MICAL3: variants seen among roughly 807,000 people sequenced by gnomAD.
MICAL3 encodes microtubule associated monooxygenase, calponin and LIM domain containing 3.
A neutral mutation model predicts 207.4 loss-of-function variants in MICAL3; 62 were observed. The observed-to-expected ratio is 0.30, with a 90% confidence interval of 0.24 to 0.37. The LOEUF (loss-of-function observed/expected upper bound fraction) is 0.37, where lower values mean the gene tolerates loss of function less well. Among genes scored for constraint, MICAL3 ranks in the 10% least tolerant of loss-of-function variants. The pLI is 1.00. For synonymous variants in MICAL3, 1,077 were observed against 1,069.3 expected, an observed-to-expected ratio of 1.01 and a Z score of -0.14; for missense variants, 2,368 against 2,635.6, an observed-to-expected ratio of 0.90 and a Z score of 2.22.
chr22:17,899,472 C>A lies in MICAL3; in HGVS notation c.924G>T (p.Leu308Phe). ...CATGTAGTATCACTCCTTTGTCCAG[C>A]AAACTCTGCTTTTTGGCTGTCATAA... ...YFVMTAKKQS[L>F]LDKGVILHDY... Residue 308 changes from leucine to phenylalanine, a missense_variant, in exon 7 of 32, where the codon TTG (leucine) becomes TTT (phenylalanine). Leu to Phe is a conservative substitution (Grantham distance 22). Around this residue, in one of 4 missense-constraint regions of MICAL3, gnomAD observed 400 missense variants for 547.0 expected, o/e 0.73. Coordinates refer to ENST00000441493, the MANE Select transcript of MICAL3 (RefSeq NM_015241.3). The A allele has an allele frequency of 6.2e-7, 1 of 1,609,258 alleles. No homozygotes were observed.
intron 18 of MICAL3, 50 bp from the exon 19 acceptor site, chr22:17,865,036 A>T (rs1445401054): frequency 1.9e-6 from 3 of 1,545,528 alleles, no homozygotes; most frequent in Non-Finnish European, 2.6e-6. Context: ...GATGCACTCA[A>T]ATCCTCAAAT....
intron 1 of MICAL3, among the ~76,000 whole-genome samples, chr22:17,981,997 T>C (rs1935928756): frequency 6.6e-6 from 1 of 151,890 alleles, no homozygotes; most frequent in Non-Finnish European, 1.5e-5. Flanking sequence ...CCCAGCTACT[T>C]AGGAGGCTGA....
chr22:17,876,862 TTA>T (rs1398710967), intron 16 of MICAL3: 1 of 134,744 alleles, frequency 7.4e-6, no homozygotes. Context: ...GTTATGGAGG[TTA>T]GGGAGGTTAG....
At chr22:17,911,032 G>A (rs949527092) in intron 1 of MICAL3, among the ~76,000 whole-genome samples, 30 of 152,020 alleles carry the variant, frequency 2.0e-4, no homozygotes, top group Admixed American at 3.3e-4. Flanking sequence ...GGGGGAGGAA[G>A]AGGAGGTGAT....
At chr22:17,805,003 C>A (rs2061975995) in intron 29 of MICAL3, among the ~76,000 whole-genome samples, 1 of 152,190 alleles carries the variant, frequency 6.6e-6, no homozygotes, top group Non-Finnish European at 1.5e-5. Context: ...GTCGTCATAC[C>A]TTAGACAAAC....
chr22:17,957,760 G>A (rs1189988913), intron 1 of MICAL3, among the ~76,000 whole-genome samples: 1 of 150,176 alleles, frequency 6.7e-6, no homozygotes, highest in Non-Finnish European at 1.5e-5. Flanking sequence ...GAGAGAGAGA[G>A]AGAATGAAAG....
chr22:17,928,140 T>C (rs1933009309), intron 1 of MICAL3, among the ~76,000 whole-genome samples: 1 of 152,034 alleles, frequency 6.6e-6, no homozygotes, highest in East Asian at 1.9e-4. Context: ...ATAGTACTGT[T>C]AGAAACACCT....
At chr22:17,847,253 C>T (rs1409265758) in intron 19 of MICAL3, among the ~76,000 whole-genome samples, 2 of 152,240 alleles carry the variant, frequency 1.3e-5, no homozygotes, top group Non-Finnish European at 2.9e-5. Flanking sequence ...TCAAGGGCCT[C>T]TTCTGCCTCT....
At chr22:17,992,038 G>A (rs1426676950) in intron 1 of MICAL3, among the ~76,000 whole-genome samples, 4 of 152,164 alleles carry the variant, frequency 2.6e-5, no homozygotes, top group Non-Finnish European at 4.4e-5. Context: ...CCCACCCACC[G>A]TTGCTAGAGC....
At chr22:17,950,853 C>CA (rs1934315130) in intron 1 of MICAL3, among the ~76,000 whole-genome samples, 1 of 152,334 alleles carries the variant, frequency 6.6e-6, no homozygotes, top group East Asian at 1.9e-4. Flanking sequence ...TGGAAAGACT[C>CA]AGAGGCTAAA....
At position 17,793,861 on chromosome 22, in the gene MICAL3, G is replaced by A. The variant is rs577671196; in HGVS notation, c.5651-2560C>T. ...AGACAAAAAAGGAAGAGGAGGAGAG[G>A]AGCAGGAATTTGGAAGTGGAGAGGG... On this transcript the variant is annotated intron_variant, in intron 29 of 31. Transcript: ENST00000441493. This position sits in a 1 kb window ranked among gnomAD's most constrained non-coding sequence, Gnocchi z 4.1. 2 of 152,288 alleles carry A rather than the reference G, an allele frequency of 1.3e-5. No homozygotes were observed. The highest frequency in any genetic ancestry group is 2.1e-4 in the South Asian group (1 of 4,824). 9.4% of individuals were successfully genotyped at this position (152,288 alleles called of 1,614,324 possible).
intron 1 of MICAL3, among the ~76,000 whole-genome samples, chr22:17,972,981 C>T (rs1032328640): frequency 6.6e-6 from 1 of 152,216 alleles, no homozygotes; most frequent in Admixed American, 6.5e-5. Flanking sequence ...TGCGCCTTGC[C>T]CAGCCGGGCC....
intron 1 of MICAL3, among the ~76,000 whole-genome samples, chr22:17,982,009 G>A (rs1473786476): frequency 6.6e-6 from 1 of 152,094 alleles, no homozygotes; most frequent in Admixed American, 6.6e-5. Flanking sequence ...GGAGGCTGAG[G>A]TGAGAGAATC....
intron 1 of MICAL3, among the ~76,000 whole-genome samples, chr22:17,963,892 G>A (rs769771601): frequency 6.6e-6 from 1 of 152,180 alleles, no homozygotes; most frequent in Non-Finnish European, 1.5e-5. Flanking sequence ...GCACAAGGTC[G>A]TGGGGACATA....
chr22:17,929,218 C>T (rs930855922), intron 1 of MICAL3, among the ~76,000 whole-genome samples: 1 of 151,516 alleles, frequency 6.6e-6, no homozygotes, highest in African/African-American at 2.4e-5. Context: ...CCTACCTCAG[C>T]CTCCCAAGTA....
At chr22:17,929,167 T>C (rs1194110135) in intron 1 of MICAL3, among the ~76,000 whole-genome samples, 1 of 149,300 alleles carries the variant, frequency 6.7e-6, no homozygotes, top group Non-Finnish European at 1.5e-5. Flanking sequence ...GATGCCATCA[T>C]AGCTCACCGT....
intron 1 of MICAL3, among the ~76,000 whole-genome samples, chr22:17,994,681 G>A (rs1922081210): frequency 6.6e-6 from 1 of 151,724 alleles, no homozygotes; most frequent in African/African-American, 2.4e-5. Context: ...CACTCCAGCT[G>A]GGGCCACTCC....
At chr22:17,917,384 C>T (rs2146290185) in intron 1 of MICAL3, among the ~76,000 whole-genome samples, 1 of 152,266 alleles carries the variant, frequency 6.6e-6, no homozygotes, top group Non-Finnish European at 1.5e-5. Flanking sequence ...AACCTTGCCC[C>T]CGTCTGCATT....
intron 29 of MICAL3, among the ~76,000 whole-genome samples, chr22:17,805,035 A>G (rs1016558103): frequency 1.3e-5 from 2 of 152,220 alleles, no homozygotes; most frequent in African/African-American, 4.8e-5. Context: ...TGGCAGGTCC[A>G]TGCTAGAGCG....
Sources: allele counts gnomAD v4.1 joint callset (sites outside exome capture counted in the v4.1 genomes callset), GRCh38; gene constraint gnomAD v4.1.1; regional missense constraint gnomAD v4.1.1; non-coding constraint Gnocchi (gnomAD v3.1); transcripts MANE v1.5; gene names NCBI Gene and HGNC (gene_info 2026-07-23, HGNC 2026-07-21).